Variants in TTC7A observed in about 807,000 individuals in gnomAD.
TTC7A encodes tetratricopeptide repeat protein 7A.
In TTC7A, 110 loss-of-function variants were observed where a neutral mutation model predicts 103.7. That is an observed-to-expected ratio of 1.06 (90% confidence interval 0.91 to 1.24). The LOEUF is 1.24. TTC7A is among the 50% of genes most tolerant of loss of function. The pLI is 0.00. For missense variants in TTC7A, 1,340 were observed against 1,116.3 expected, an observed-to-expected ratio of 1.20 and a Z score of -2.86; for synonymous variants, 521 against 467.9, an observed-to-expected ratio of 1.11 and a Z score of -1.47.
chr2:46,925,701 TG>T (rs1669352579), intron 2 of TTC7A, among the ~76,000 whole-genome samples: 1 of 152,174 alleles, frequency 6.6e-6, no homozygotes, highest in African/African-American at 2.4e-5. Flanking sequence ...AAAAAACCCA[TG>T]TTTATTTTTC....
At chr2:47,041,894 G>A (rs12618521) in intron 15 of TTC7A, among the ~76,000 whole-genome samples, 63,651 of 151,772 alleles carry the variant, frequency 0.42, 13,728 homozygotes, top group East Asian at 0.6. Flanking sequence ...CTGGGCTACA[G>A]ATTAAATTGA....
At position 46,964,040 on chromosome 2, in the gene TTC7A, G is replaced by A. The variant is rs116672139; in HGVS notation, c.517+7033G>A. Among the ~76,000 whole-genome samples the A allele has an allele frequency of 5.8e-3, 881 of 152,346 alleles. 3 individuals are homozygous for A. Among genetic ancestry groups the A allele is most frequent in the Non-Finnish European group, 9.4e-3 (638 of 68,026 alleles). The stretch of plus-strand genomic sequence containing the variant: ...AGGCATGGAGGCAGAGCCCCAGAGC[G>A]CAGGCAGAAATGATTCACCTCAGGT... On this transcript the variant is annotated intron_variant, in intron 3 of 19. Transcript: ENST00000319190.
chr2:47,019,560 T>C (rs1679056772), intron 11 of TTC7A, among the ~76,000 whole-genome samples: 1 of 152,046 alleles, frequency 6.6e-6, no homozygotes, highest in South Asian at 2.1e-4. Context: ...TCAGAGTGGA[T>C]CACAAGTTGG....
intron 5 of TTC7A, among the ~76,000 whole-genome samples, chr2:46,980,900 G>A (rs1481998664): frequency 2.0e-5 from 3 of 152,218 alleles, no homozygotes; most frequent in African/African-American, 4.8e-5. Context: ...GCAGTACCAC[G>A]TAAAATGGTA....
At chr2:47,012,255 T>C (rs1678154990) in intron 11 of TTC7A, among the ~76,000 whole-genome samples, 2 of 152,250 alleles carry the variant, frequency 1.3e-5, no homozygotes, top group African/African-American at 2.4e-5. Flanking sequence ...TGGATAATCT[T>C]TGCTTTCTTC....
At chr2:47,011,921 G>A (rs568828089) in intron 11 of TTC7A, among the ~76,000 whole-genome samples, 1 of 152,370 alleles carries the variant, frequency 6.6e-6, no homozygotes, top group African/African-American at 2.4e-5. Context: ...GCCCTGCCCT[G>A]TGCTCCGCTG....
intron 2 of TTC7A, among the ~76,000 whole-genome samples, chr2:46,923,506 C>T (rs1436546860): frequency 6.6e-6 from 1 of 152,154 alleles, no homozygotes; most frequent in African/African-American, 2.4e-5. Context: ...AAGGTATAGG[C>T]CTTGGAGAGT....
chr2:46,957,014 G>C lies in TTC7A; in HGVS notation c.517+7G>C. ...GAGGCTTTTGTCATCAAAGGTAGCT[G>C]TGGGCACCAGCCTGGGCTCCCCTCC... On this transcript the variant is annotated splice_region_variant and intron_variant, in intron 3 of 19. Transcript: ENST00000319190. 1 of 1,614,046 alleles carries C rather than the reference G, an allele frequency of 6.2e-7. No homozygotes were observed.
At chr2:46,916,835 G>A (rs566264977) in intron 1 of TTC7A, among the ~76,000 whole-genome samples, 1 of 151,648 alleles carries the variant, frequency 6.6e-6, no homozygotes, top group African/African-American at 2.4e-5. Flanking sequence ...GGGTTTCACC[G>A]TGTTGGCCAG....
chr2:46,980,062 G>A (rs1263939344), intron 5 of TTC7A, among the ~76,000 whole-genome samples: 1 of 152,160 alleles, frequency 6.6e-6, no homozygotes, highest in African/African-American at 2.4e-5. Context: ...AGTTCTCTGA[G>A]GCCTGTGTGC....
intron 15 of TTC7A, among the ~76,000 whole-genome samples, chr2:47,039,381 AACTTCCCCC>A (rs1337921284): frequency 6.6e-6 from 1 of 152,154 alleles, no homozygotes; most frequent in Non-Finnish European, 1.5e-5. Flanking sequence ...CTGCTCTGCC[AACTTCCCCC>A]ACCAGCAAGA....
At chr2:46,932,321 G>A (rs1669747902) in intron 2 of TTC7A, among the ~76,000 whole-genome samples, 1 of 151,992 alleles carries the variant, frequency 6.6e-6, no homozygotes, top group African/African-American at 2.4e-5. Context: ...GCTAATTTTT[G>A]TATTTTTAGT....
chr2:46,963,580 G>T (rs1672574559), intron 3 of TTC7A, among the ~76,000 whole-genome samples: 1 of 152,204 alleles, frequency 6.6e-6, no homozygotes, highest in Non-Finnish European at 1.5e-5. Context: ...TGCCTCTGGG[G>T]ATCAGTTTCT....
At chr2:47,018,130 A>G (rs1035378720) in intron 11 of TTC7A, among the ~76,000 whole-genome samples, 5 of 151,560 alleles carry the variant, frequency 3.3e-5, no homozygotes, top group South Asian at 2.1e-4. Context: ...TACAAAAATT[A>G]GCCGGGCATG....
chr2:47,057,022 TGGCAGCCACGGCCAGGCTGG>T (rs1683379752), intron 18 of TTC7A, among the ~76,000 whole-genome samples: 1 of 152,192 alleles, frequency 6.6e-6, no homozygotes. Flanking sequence ...CACTGGGTCC[TGGCAGCCACGGCCAGGCTGG>T]GAAGGATCAG....
intron 2 of TTC7A, among the ~76,000 whole-genome samples, chr2:46,917,648 C>G (rs1270329052): frequency 6.6e-6 from 1 of 152,190 alleles, no homozygotes; most frequent in Non-Finnish European, 1.5e-5. Context: ...TCTCTTGAAT[C>G]TACAGTCACT....
intron 1 of TTC7A, among the ~76,000 whole-genome samples, chr2:46,947,918 A>G (rs1312327093): frequency 6.6e-6 from 1 of 152,226 alleles, no homozygotes; most frequent in Non-Finnish European, 1.5e-5. Context: ...GATCACAAGC[A>G]TGGAGAGACC....
chr2:47,024,928 C>T (rs901302288), intron 14 of TTC7A, among the ~76,000 whole-genome samples: 1 of 152,176 alleles, frequency 6.6e-6, no homozygotes, highest in Non-Finnish European at 1.5e-5. Context: ...GTCCAGGACT[C>T]CCCACCTCAG....
intron 3 of TTC7A, among the ~76,000 whole-genome samples, chr2:46,960,488 G>T (rs576446782): frequency 6.6e-6 from 1 of 152,326 alleles, no homozygotes; most frequent in South Asian, 2.1e-4. Flanking sequence ...TGTGCATGTA[G>T]GGGGATGGGG....
Sources: gnomAD v4.1 joint callset for allele counts (sites outside exome capture counted in the v4.1 genomes callset) on GRCh38, gnomAD v4.1.1 for gene constraint, MANE v1.5 for transcripts, NCBI Gene and HGNC (gene_info 2026-07-23, HGNC 2026-07-21) for gene names.